Variants in DCC observed in about 807,000 individuals in gnomAD.
DCC encodes the protein netrin receptor DCC.
DCC carries 58 observed loss-of-function variants against 172.5 expected under a neutral mutation model. The ratio of observed to expected loss-of-function variants is 0.34; its 90% confidence interval spans 0.27 to 0.42. The LOEUF (loss-of-function observed/expected upper bound fraction) is 0.42. Ranked by LOEUF, DCC falls within the 10% of genes least tolerant of loss-of-function variation. The pLI, the probability that DCC is intolerant of heterozygous loss-of-function variation, is 1.00. For missense variants in DCC, 1,740 were observed against 1,791.0 expected (o/e 0.97, Z 0.51); for synonymous variants, 709 against 644.5 (o/e 1.10, Z -1.52).
intron 8 of DCC, among the ~76,000 whole-genome samples, chr18:53,175,285 C>T (rs906418713): frequency 6.6e-6 from 1 of 151,592 alleles, no homozygotes. Flanking sequence ...GATGCCCTCT[C>T]TCACCACTCC....
intron 9 of DCC, among the ~76,000 whole-genome samples, chr18:53,180,435 A>G (rs952315252): frequency 1.3e-5 from 2 of 152,170 alleles, no homozygotes; most frequent in African/African-American, 4.8e-5. Context: ...GACCCAAATA[A>G]TTTCTGTTTG....
chr18:52,541,537 G>A (rs1368763584), intron 1 of DCC, among the ~76,000 whole-genome samples: 1 of 152,056 alleles, frequency 6.6e-6, no homozygotes, highest in Non-Finnish European at 1.5e-5. Context: ...AGTCATTTGG[G>A]TGCTTATTCT....
At position 52,713,350 on chromosome 18, in the gene DCC, G is replaced by A. The variant is rs565657123; in HGVS notation, c.92-38704G>A. Reference sequence around the variant, plus strand: ...AGTTCAAGAAGCTCTGAAAACCATGGGAACCAGTGACCTGTTCAAAACTGA... The same window carrying A: ...AGTTCAAGAAGCTCTGAAAACCATGAGAACCAGTGACCTGTTCAAAACTGA... On this transcript the variant is annotated intron_variant, in intron 1 of 28. Coordinates refer to ENST00000442544, the MANE Select transcript of DCC (RefSeq NM_005215.4). Among the ~76,000 whole-genome samples the A allele has an allele frequency of 1.8e-4, 27 of 152,312 alleles. No homozygotes were observed. In the East Asian group the frequency reaches 5.2e-3, roughly 29 times the overall value.
At chr18:53,344,987 A>G (rs2057707088) in intron 15 of DCC, among the ~76,000 whole-genome samples, 1 of 151,760 alleles carries the variant, frequency 6.6e-6, no homozygotes, top group Non-Finnish European at 1.5e-5. Context: ...TAGGCTTCAC[A>G]GACCATATAA....
At chr18:53,158,730 G>A (rs1428231147) in intron 8 of DCC, among the ~76,000 whole-genome samples, 5 of 151,938 alleles carry the variant, frequency 3.3e-5, no homozygotes, top group African/African-American at 7.3e-5. Context: ...GTGACTCCAC[G>A]CCTGTAATCC....
chr18:52,839,249 TGAA>T (rs1011337889), intron 2 of DCC, among the ~76,000 whole-genome samples: 4 of 152,186 alleles, frequency 2.6e-5, no homozygotes, highest in Admixed American at 1.3e-4. Context: ...ATTAAGGTGA[TGAA>T]GTGTTTGCAC....
intron 5 of DCC, among the ~76,000 whole-genome samples, chr18:52,939,615 C>T (rs778987132): frequency 5.3e-5 from 8 of 152,178 alleles, no homozygotes; most frequent in Non-Finnish European, 1.0e-4. Context: ...GCACTTTGCA[C>T]AATGCCTTGA....
intron 5 of DCC, among the ~76,000 whole-genome samples, chr18:52,993,507 C>G (rs72930014): frequency 0.059 from 8,857 of 150,532 alleles, 481 homozygotes; most frequent in East Asian, 0.22. Flanking sequence ...AAATGAGAAA[C>G]TCGGGTTCTA....
chr18:53,131,065 G>A (rs979450985), intron 7 of DCC, among the ~76,000 whole-genome samples: 2 of 152,008 alleles, frequency 1.3e-5, no homozygotes, highest in African/African-American at 2.4e-5. Context: ...AAAAGGCTGC[G>A]TTAGAAAATA....
intron 1 of DCC, among the ~76,000 whole-genome samples, chr18:52,342,810 G>C (rs1010140556): frequency 6.6e-6 from 1 of 152,230 alleles, no homozygotes; most frequent in African/African-American, 2.4e-5. Flanking sequence ...CTGGCATAGG[G>C]TGGGGGTAGA....
intron 5 of DCC, among the ~76,000 whole-genome samples, chr18:53,012,390 TAAA>T (rs2041743319): frequency 6.6e-6 from 1 of 151,982 alleles, no homozygotes; most frequent in Non-Finnish European, 1.5e-5. Context: ...GAATAAATCT[TAAA>T]AACATTCTGA....
At position 52,590,695 on chromosome 18, in the gene DCC, G is replaced by A. The variant is rs183536554; in HGVS notation, c.92-161359G>A. Among the ~76,000 whole-genome samples, 274 of 152,294 alleles carry A rather than the reference G, an allele frequency of 1.8e-3. 4 individuals are homozygous for A. Among genetic ancestry groups the A allele is most frequent in the African/African-American group, 6.2e-3 (257 of 41,552 alleles). ...GATGTTGTCATCAACCATCCATGTGGTCATACCAGTGGCCCGATTCCCAGT... is the reference window on the plus strand; with the variant it reads ...GATGTTGTCATCAACCATCCATGTGATCATACCAGTGGCCCGATTCCCAGT... On this transcript the variant is annotated intron_variant, in intron 1 of 28. Coordinates refer to ENST00000442544, the MANE Select transcript of DCC (RefSeq NM_005215.4).
chr18:53,518,875 A>G (rs2046368627), intron 27 of DCC, among the ~76,000 whole-genome samples: 2 of 152,138 alleles, frequency 1.3e-5, no homozygotes, highest in South Asian at 2.1e-4. Context: ...ACGTAATACC[A>G]CTTATTTTTA....
chr18:53,348,910 G>T (rs879359816), intron 15 of DCC, among the ~76,000 whole-genome samples: 5 of 152,166 alleles, frequency 3.3e-5, no homozygotes, highest in East Asian at 1.9e-4. Context: ...GGGAGGGGCT[G>T]CACTGAAGAC....
At chr18:53,081,165 T>G (rs114796057) in intron 7 of DCC, among the ~76,000 whole-genome samples, 2 of 151,964 alleles carry the variant, frequency 1.3e-5, no homozygotes, top group Non-Finnish European at 2.9e-5. Context: ...AGATTAGAAC[T>G]GAGAAATAAA....
At chr18:53,202,860 AT>A (rs2055561929) in intron 9 of DCC, among the ~76,000 whole-genome samples, 1 of 152,162 alleles carries the variant, frequency 6.6e-6, no homozygotes, top group African/African-American at 2.4e-5. Flanking sequence ...TGAACATTTT[AT>A]TTATAAAAAG....
Position 53,215,521 on chromosome 18 carries a change from T to G in DCC, c.1862-27T>G, listed in dbSNP as rs759961631. ...TTTCTTTCAAGATTTTGGCAGTAACTGTGACAATTTGTTTGATTCCTTTTA... is the reference window on the plus strand; with the variant it reads ...TTTCTTTCAAGATTTTGGCAGTAACGGTGACAATTTGTTTGATTCCTTTTA... On this transcript the variant is annotated intron_variant, in intron 11 of 28. Coordinates refer to ENST00000442544, the MANE Select transcript of DCC (RefSeq NM_005215.4). 3 of 1,605,302 alleles carry G rather than the reference T, an allele frequency of 1.9e-6. No individual in the cohort carries two copies. The South Asian group carries it at 3.3e-5, about 18-fold the overall frequency.
chr18:52,776,775 A>G (rs2037442748), intron 2 of DCC, among the ~76,000 whole-genome samples: 1 of 152,242 alleles, frequency 6.6e-6, no homozygotes, highest in African/African-American at 2.4e-5. Context: ...GTAAAATCAT[A>G]AAACAATGTT....
intron 2 of DCC, among the ~76,000 whole-genome samples, chr18:52,903,084 T>C (rs1160808149): frequency 6.6e-6 from 1 of 152,232 alleles, no homozygotes; most frequent in African/African-American, 2.4e-5. Context: ...AGGAAACCAA[T>C]TGTTGAGTAT....
Sources: allele counts gnomAD v4.1 joint callset (sites outside exome capture counted in the v4.1 genomes callset), GRCh38; gene constraint gnomAD v4.1.1; transcripts MANE v1.5; gene names NCBI Gene and HGNC (gene_info 2026-07-23, HGNC 2026-07-21).